The following SLC1A2 variants were observed in gnomAD, a reference collection of about 807,000 sequenced individuals.
The protein encoded by SLC1A2 is solute carrier family 1 member 2, also known as excitatory amino acid transporter 2.
Under a neutral mutation model 48.8 loss-of-function variants are expected in SLC1A2, and 15 were observed. The ratio of observed to expected loss-of-function variants is 0.31; its 90% CI spans 0.21 to 0.47. The LOEUF is 0.47. Ranked by LOEUF, SLC1A2 falls within the 20% of genes least tolerant of loss-of-function variation. The pLI, the probability that SLC1A2 is intolerant of heterozygous loss-of-function variation, is 0.99. For missense variants in SLC1A2, 502 were observed against 730.5 expected (o/e 0.69, Z 3.61); for synonymous variants, 279 against 272.6 (o/e 1.02, Z -0.23).
chr11:35,284,087 T>TTTTATATATATATA (rs1554993896), intron 8 of SLC1A2, among the ~76,000 whole-genome samples: 1 of 115,900 alleles, frequency 8.6e-6, no homozygotes, highest in Non-Finnish European at 1.8e-5. Context: ...GAAGATTTTA[T>TTTTATATATATATA]TATATATATA....
At chr11:35,328,599 T>C (rs562076448) in intron 1 of SLC1A2, among the ~76,000 whole-genome samples, 1 of 152,208 alleles carries the variant, frequency 6.6e-6, no homozygotes, top group Non-Finnish European at 1.5e-5. Context: ...TTGGAAAAAC[T>C]GGTCAGCCCA....
chr11:35,419,002 C>CG lies in SLC1A2; in HGVS notation c.-37dup, dbSNP rs920637825. ...ACGCCCCCTCCTCTTCAGCACTATC[C>CG]GGCAGCTGTGGGCGAGGGAGAAAGC... On this transcript the variant is annotated 5_prime_UTR_variant, in exon 1 of 11. Coordinates refer to ENST00000278379, the MANE Select transcript of SLC1A2 (RefSeq NM_004171.4). This position sits in a 1 kb window ranked among gnomAD's most constrained non-coding sequence, Gnocchi z 5.4. The CG allele has an allele frequency of 1.3e-6, 2 of 1,549,778 alleles. No homozygotes were observed. The highest frequency in any genetic ancestry group is 2.7e-5 in the African/African-American group (2 of 72,834).
At chr11:35,308,922 C>T (rs753129533) in intron 4 of SLC1A2, among the ~76,000 whole-genome samples, 5 of 152,180 alleles carry the variant, frequency 3.3e-5, no homozygotes, top group Non-Finnish European at 5.9e-5. Flanking sequence ...TCCTTAGCTT[C>T]CCCTGGCCCA....
intron 1 of SLC1A2, among the ~76,000 whole-genome samples, chr11:35,345,345 C>T (rs934053742): frequency 2.0e-5 from 3 of 152,190 alleles, no homozygotes; most frequent in Non-Finnish European, 2.9e-5. Context: ...CTGCAAATGG[C>T]CTTCCAGCTT....
In SLC1A2 at chr11:35,251,322, G is replaced by T. The variant is rs185331429; in HGVS notation, c.*9572C>A. 3.9e-5 allele frequency: 6 copies of T among 152,604 alleles called. No individual in the cohort carries two copies. The highest frequency in any genetic ancestry group is 1.4e-4 in the African/African-American group (6 of 41,432). 9.5% of individuals were successfully genotyped at this position (152,604 alleles called of 1,614,324 possible). ...TAAAGAATATCCAGTTATTTTACAC[G>T]TGAAATGTTACAGTAATCAGTCCAC... On this transcript the variant is annotated 3_prime_UTR_variant, in exon 11 of 11. Transcript: ENST00000278379.
At chr11:35,347,680 T>G (rs1853091904) in intron 1 of SLC1A2, among the ~76,000 whole-genome samples, 1 of 152,196 alleles carries the variant, frequency 6.6e-6, no homozygotes, top group African/African-American at 2.4e-5. Flanking sequence ...GCAGTTGTAT[T>G]TACCTCGGTG....
chr11:35,364,030 T>C (rs999890529), intron 1 of SLC1A2, among the ~76,000 whole-genome samples: 1 of 152,168 alleles, frequency 6.6e-6, no homozygotes, highest in Non-Finnish European at 1.5e-5. Context: ...TGTTTTCCAT[T>C]GCTGCCATCC....
intron 4 of SLC1A2, among the ~76,000 whole-genome samples, chr11:35,307,567 G>A (rs1046293599): frequency 1.3e-5 from 2 of 152,252 alleles, no homozygotes; most frequent in African/African-American, 4.8e-5. Context: ...GATTGTCAGT[G>A]CTGGCATGTA....
chr11:35,397,199 A>C (rs1288991766), intron 1 of SLC1A2, among the ~76,000 whole-genome samples: 1 of 151,072 alleles, frequency 6.6e-6, no homozygotes, highest in Admixed American at 6.6e-5. Context: ...ATATGGAACC[A>C]AAAAACAGCC....
intron 1 of SLC1A2, among the ~76,000 whole-genome samples, chr11:35,341,600 T>A (rs1852845306): frequency 6.6e-6 from 1 of 152,194 alleles, no homozygotes. Flanking sequence ...ATTTTTGCCA[T>A]CAAATTGACA....
At chr11:35,282,932 C>T (rs145926428) in intron 8 of SLC1A2, among the ~76,000 whole-genome samples, 1 of 152,196 alleles carries the variant, frequency 6.6e-6, no homozygotes, top group African/African-American at 2.4e-5. Flanking sequence ...AGTGATTTTC[C>T]CTGCATCCCT....
intron 7 of SLC1A2, among the ~76,000 whole-genome samples, chr11:35,287,297 A>C (rs1850855312): frequency 6.6e-6 from 1 of 152,072 alleles, no homozygotes; most frequent in South Asian, 2.1e-4. Flanking sequence ...AAAAAAAAAA[A>C]AACAAAAGCC....
intron 1 of SLC1A2, among the ~76,000 whole-genome samples, chr11:35,355,179 A>G (rs1853412291): frequency 1.3e-5 from 2 of 152,178 alleles, no homozygotes; most frequent in Non-Finnish European, 2.9e-5. Flanking sequence ...GGCCAATGTG[A>G]GTTCAAACTC....
At chr11:35,296,462 C>T (rs755170512) in intron 6 of SLC1A2, among the ~76,000 whole-genome samples, 1 of 152,176 alleles carries the variant, frequency 6.6e-6, no homozygotes, top group Non-Finnish European at 1.5e-5. Context: ...TGGATTAGAA[C>T]TTTTCATCAA....
At chr11:35,400,417 C>T (rs1855098919) in intron 1 of SLC1A2, among the ~76,000 whole-genome samples, 1 of 152,080 alleles carries the variant, frequency 6.6e-6, no homozygotes, top group Non-Finnish European at 1.5e-5. Context: ...AGGTTATGCT[C>T]CCACTATAAA....
chr11:35,340,968 A>C (rs1348189787), intron 1 of SLC1A2, among the ~76,000 whole-genome samples: 1 of 152,224 alleles, frequency 6.6e-6, no homozygotes, highest in African/African-American at 2.4e-5. Flanking sequence ...AGCAGTGACC[A>C]GTTCAAGGAG....
At chr11:35,349,949 A>G (rs960910205) in intron 1 of SLC1A2, among the ~76,000 whole-genome samples, 11 of 152,320 alleles carry the variant, frequency 7.2e-5, no homozygotes, top group South Asian at 2.1e-4. Context: ...GCTCCGAGAC[A>G]GAGAGACCTA....
chr11:35,392,503 T>C (rs970388906), intron 1 of SLC1A2: 1 of 152,280 alleles, frequency 6.6e-6, no homozygotes, highest in African/African-American at 2.4e-5. Context: ...CTATTGCGAA[T>C]ACTATTGGGA....
chr11:35,375,902 C>A (rs1170206675), intron 1 of SLC1A2, among the ~76,000 whole-genome samples: 1 of 152,166 alleles, frequency 6.6e-6, no homozygotes, highest in African/African-American at 2.4e-5. Flanking sequence ...TAGACTAGGA[C>A]ATCAAGGCAC....
Sources: allele counts gnomAD v4.1 joint callset (sites outside exome capture counted in the v4.1 genomes callset), GRCh38; gene constraint gnomAD v4.1.1; non-coding constraint Gnocchi (gnomAD v3.1); transcripts MANE v1.5; gene names NCBI Gene and HGNC (gene_info 2026-07-23, HGNC 2026-07-21).